CCDC171: variants seen among roughly 807,000 people sequenced by gnomAD.
CCDC171 encodes coiled-coil domain containing 171, also known as coiled-coil domain-containing protein 171.
Under a neutral mutation model 168.2 loss-of-function variants are expected in CCDC171, and 177 were observed. The observed-to-expected ratio is 1.05, with a 90% CI of 0.93 to 1.19. The LOEUF (loss-of-function observed/expected upper bound fraction) is 1.19. CCDC171 is among the 50% of genes most tolerant of loss of function. The probability of loss-of-function intolerance (pLI) is 0.00; values close to 1 mark genes in which losing one functional copy is unlikely to be tolerated. For missense variants in CCDC171, 1,991 were observed against 1,539.0 expected, an observed-to-expected ratio of 1.29 and a Z score of -4.91; for synonymous variants, 687 against 540.8, an observed-to-expected ratio of 1.27 and a Z score of -3.75.
At chr9:15,817,916 C>T (rs2059620232) in intron 21 of CCDC171, among the ~76,000 whole-genome samples, 1 of 118,492 alleles carries the variant, frequency 8.4e-6, no homozygotes, top group South Asian at 2.8e-4. Flanking sequence ...TCCCTGACCC[C>T]TGAGTAACCT....
chr9:15,883,812 A>C (rs2080711790), intron 24 of CCDC171, among the ~76,000 whole-genome samples: 1 of 152,230 alleles, frequency 6.6e-6, no homozygotes, highest in African/African-American at 2.4e-5. Context: ...AACAAGGTAG[A>C]TTTATAAATT....
chr9:15,654,689 A>G (rs1405125635), intron 7 of CCDC171, among the ~76,000 whole-genome samples: 4 of 152,214 alleles, frequency 2.6e-5, no homozygotes, highest in Admixed American at 6.5e-5. Flanking sequence ...ATGGCCGAAT[A>G]GGAACAGCTC....
chr9:15,933,677 C>T lies in CCDC171; in HGVS notation c.3753+13255C>T, dbSNP rs141923132. Among the ~76,000 whole-genome samples, 415 of 151,896 alleles carry T rather than the reference C, an allele frequency of 2.7e-3. 2 individuals carry two copies. The highest frequency in any genetic ancestry group is 4.4e-3 in the South Asian group (21 of 4,818). On this transcript the variant is annotated intron_variant, in intron 25 of 25. Transcript: ENST00000380701. ...TTGCTGTGTCTCATAGATTTTGGTA[C>T]GATATGTTTCCATTCTCATTTGTCT...
chr9:16,088,820 A>G, the CCDC171 span, among the ~76,000 whole-genome samples: 1 of 152,200 alleles, frequency 6.6e-6, no homozygotes, highest in Non-Finnish European at 1.5e-5. Flanking sequence ...CATCCTCATC[A>G]AGCTACCATT....
the CCDC171 span, among the ~76,000 whole-genome samples, chr9:16,081,895 C>T: frequency 2.0e-5 from 3 of 151,604 alleles, no homozygotes; most frequent in African/African-American, 7.3e-5. Context: ...ACTGCATCCT[C>T]GAATGACTCT....
At chr9:15,738,441 T>C (rs2054630015) in intron 16 of CCDC171, among the ~76,000 whole-genome samples, 2 of 152,216 alleles carry the variant, frequency 1.3e-5, no homozygotes, top group African/African-American at 2.4e-5. Context: ...TTTAGGTTTT[T>C]TTCTTCATGA....
intron 18 of CCDC171, among the ~76,000 whole-genome samples, chr9:15,752,596 C>T (rs2055828011): frequency 6.6e-6 from 1 of 152,106 alleles, no homozygotes; most frequent in African/African-American, 2.4e-5. Context: ...TTTGCAGGGT[C>T]ATGGATGAAG....
rs1001166787 is a variant in CCDC171 at position 15,920,984 on chromosome 9, C to G, written c.3753+562C>G. On this transcript the variant is annotated intron_variant, in intron 25 of 25. Transcript: ENST00000380701. ...CACTAAAAAAAAAAAAATTTCTCTACTTGAAATATATTTTTGGGGAGTTTT... is the reference window on the plus strand; with the variant it reads ...CACTAAAAAAAAAAAAATTTCTCTAGTTGAAATATATTTTTGGGGAGTTTT... Among the ~76,000 whole-genome samples, 3 of 151,360 alleles carry G rather than the reference C, an allele frequency of 2.0e-5. No individual in the cohort carries two copies. The East Asian group carries it at 5.8e-4, about 29-fold the overall frequency.
intron 21 of CCDC171, among the ~76,000 whole-genome samples, chr9:15,835,653 C>T (rs942737977): frequency 2.6e-5 from 4 of 152,174 alleles, no homozygotes; most frequent in Non-Finnish European, 4.4e-5. Context: ...TCTCGAACTC[C>T]TGACCTCAAG....
At chr9:15,809,919 C>A (rs2059260718) in intron 21 of CCDC171, among the ~76,000 whole-genome samples, 1 of 152,134 alleles carries the variant, frequency 6.6e-6, no homozygotes, top group Non-Finnish European at 1.5e-5. Flanking sequence ...GTCCATTTTA[C>A]AGAGAGCTGT....
At chr9:16,071,807 C>T in the CCDC171 span, among the ~76,000 whole-genome samples, 2 of 152,292 alleles carry the variant, frequency 1.3e-5, no homozygotes, top group Non-Finnish European at 2.9e-5. Context: ...CACTGCCATT[C>T]TCTAGTCTGA....
At chr9:15,650,371 A>T (rs1336551359) in intron 7 of CCDC171, among the ~76,000 whole-genome samples, 1 of 152,158 alleles carries the variant, frequency 6.6e-6, no homozygotes, top group Admixed American at 6.5e-5. Flanking sequence ...CACGTTGTGC[A>T]TATGTACCCT....
chr9:15,799,319 T>A (rs2058708915), intron 21 of CCDC171, among the ~76,000 whole-genome samples: 1 of 151,346 alleles, frequency 6.6e-6, no homozygotes. Flanking sequence ...CAGTTTCTTT[T>A]AGCACTTTAA....
chr9:16,080,297 T>C, the CCDC171 span, among the ~76,000 whole-genome samples: 1 of 152,226 alleles, frequency 6.6e-6, no homozygotes, highest in Non-Finnish European at 1.5e-5. Context: ...AATCATTTTA[T>C]TGGTTTTTTT....
intron 23 of CCDC171, among the ~76,000 whole-genome samples, chr9:15,873,399 A>G (rs1011870132): frequency 1.3e-5 from 2 of 152,124 alleles, no homozygotes; most frequent in Non-Finnish European, 2.9e-5. Flanking sequence ...AGATAGAAAT[A>G]TATTTATTTG....
chr9:15,578,538 G>A (rs187426096), intron 3 of CCDC171, among the ~76,000 whole-genome samples: 4 of 151,056 alleles, frequency 2.6e-5, no homozygotes, highest in Admixed American at 1.3e-4. Context: ...TCAAAGTGCT[G>A]GGATTACAGG....
intron 7 of CCDC171, among the ~76,000 whole-genome samples, chr9:15,628,849 C>G (rs1026090664): frequency 2.6e-5 from 4 of 152,182 alleles, no homozygotes; most frequent in Non-Finnish European, 4.4e-5. Flanking sequence ...GAGGAACGAT[C>G]AGACAGCAGC....
chr9:15,595,883 T>G (rs1265426403), intron 6 of CCDC171, among the ~76,000 whole-genome samples: 2 of 152,208 alleles, frequency 1.3e-5, no homozygotes, highest in Non-Finnish European at 2.9e-5. Flanking sequence ...TTGATTTGCA[T>G]TTCTCTGATG....
At chr9:15,893,143 C>T (rs895970094) in intron 24 of CCDC171, among the ~76,000 whole-genome samples, 2 of 152,098 alleles carry the variant, frequency 1.3e-5, no homozygotes, top group Non-Finnish European at 2.9e-5. Flanking sequence ...ACACCTGCAA[C>T]ATCTGACCTT....
Sources: gnomAD v4.1 joint callset for allele counts (sites outside exome capture counted in the v4.1 genomes callset) on GRCh38, gnomAD v4.1.1 for gene constraint, MANE v1.5 for transcripts, NCBI Gene and HGNC (gene_info 2026-07-23, HGNC 2026-07-21) for gene names.